NRAS: variants seen among roughly 807,000 people sequenced by gnomAD.
NRAS encodes GTPase NRas.
A neutral mutation model predicts 21.3 loss-of-function variants in NRAS; 6 were observed. The ratio of observed to expected loss-of-function variants is 0.28; its 90% CI spans 0.15 to 0.56. The LOEUF (loss-of-function observed/expected upper bound fraction) is 0.56. Ranked by LOEUF, NRAS falls within the 20% of genes least tolerant of loss-of-function variation. The pLI, the probability that NRAS is intolerant of heterozygous loss-of-function variation, is 0.93. For synonymous variants in NRAS, 84 were observed against 82.0 expected, an observed-to-expected ratio of 1.02 and a Z score of -0.13; for missense variants, 143 against 231.3, an observed-to-expected ratio of 0.62 and a Z score of 2.48.
At chr1:114,709,122 G>C (rs1363474296) in intron 4 of NRAS, among the ~76,000 whole-genome samples, 1 of 152,172 alleles carries the variant, frequency 6.6e-6, no homozygotes, top group African/African-American at 2.4e-5. Flanking sequence ...CAAGCGTTAA[G>C]AAAAAGAACA....
intron 2 of NRAS, among the ~76,000 whole-genome samples, chr1:114,715,589 A>G (rs1159755861): frequency 6.6e-6 from 1 of 152,196 alleles, no homozygotes; most frequent in Non-Finnish European, 1.5e-5. Flanking sequence ...AACAGGGACC[A>G]AAATCCTAGG....
intron 3 of NRAS, among the ~76,000 whole-genome samples, chr1:114,712,809 C>G (rs1659075359): frequency 6.6e-6 from 1 of 152,146 alleles, no homozygotes; most frequent in Non-Finnish European, 1.5e-5. Flanking sequence ...TTATTATTTC[C>G]ATATTATAGG....
chr1:114,714,718 C>T (rs997897953), intron 2 of NRAS, among the ~76,000 whole-genome samples: 24 of 151,786 alleles, frequency 1.6e-4, no homozygotes, highest in African/African-American at 2.4e-4. Context: ...TATATAGAAA[C>T]GCAAAAAGCA....
At chr1:114,710,944 C>CAGTATTTAATGGA (rs896529492) in intron 3 of NRAS, among the ~76,000 whole-genome samples, 4 of 152,162 alleles carry the variant, frequency 2.6e-5, no homozygotes, top group African/African-American at 9.7e-5. Flanking sequence ...CTAGGTGTGA[C>CAGTATTTAATGGA]AGTATTTAAT....
Position 114,707,320 on chromosome 1 carries a change from T to C in NRAS, c.*774A>G, listed in dbSNP as rs886045107. 2 of 152,600 alleles carry C rather than the reference T, an allele frequency of 1.3e-5. No individual in the cohort carries two copies. The highest frequency in any genetic ancestry group is 2.4e-5 in the African/African-American group (1 of 41,450). 9.5% of individuals were successfully genotyped at this position (152,600 alleles called of 1,614,324 possible). A position where few individuals can be genotyped will look rare whatever the true frequency, so the allele number is the denominator to read the frequency against. On this transcript the variant is annotated 3_prime_UTR_variant, in exon 7 of 7. Transcript: ENST00000369535. Reference sequence around the variant, plus strand: ...AAAATGGCATCTGCTCTCAAATAGATATAGCTTTCCTTCAATGGTAGATAA... The same window carrying C: ...AAAATGGCATCTGCTCTCAAATAGACATAGCTTTCCTTCAATGGTAGATAA...
chr1:114,709,460 A>G, intron 4 of NRAS, 109 bp downstream of exon 4: 1 of 953,794 alleles, frequency 1.0e-6, no homozygotes, highest in Non-Finnish European at 1.6e-6. Flanking sequence ...TAAAAAAATA[A>G]AAATGAAAAA....
chr1:114,714,871 G>A (rs981008456), intron 2 of NRAS, among the ~76,000 whole-genome samples: 2 of 151,970 alleles, frequency 1.3e-5, no homozygotes, highest in African/African-American at 2.4e-5. Context: ...TTTTGCCAAG[G>A]GTTAGCAACC....
chr1:114,709,982 G>C (rs1659003790), intron 3 of NRAS, among the ~76,000 whole-genome samples: 1 of 151,724 alleles, frequency 6.6e-6, no homozygotes, highest in South Asian at 2.1e-4. Flanking sequence ...CACAAGGTCA[G>C]GAGTTGAAGA....
In NRAS at chr1:114,706,282, T is replaced by C. The variant is rs1254385012; in HGVS notation, c.*1812A>G. 3 of 152,214 alleles carry C rather than the reference T, an allele frequency of 2.0e-5. No homozygotes were observed. Among genetic ancestry groups the C allele is most frequent in the Non-Finnish European group, 4.4e-5 (3 of 68,040 alleles). The allele number at this position is 152,214 out of a possible 1,614,324, so 9.4% of individuals were successfully genotyped here. On this transcript the variant is annotated 3_prime_UTR_variant, in exon 7 of 7. Coordinates refer to ENST00000369535, the MANE Select transcript of NRAS (RefSeq NM_002524.5). ...GAGGACCTCAGTAAGTATTTAGATA[T>C]TAAAGACAGGAACAAAGTGGCCATT...
At position 114,707,376 on chromosome 1, in the gene NRAS, T is replaced by C. The variant is rs1187920740; in HGVS notation, c.*718A>G. The C allele has an allele frequency of 6.6e-6, 1 of 152,630 alleles. No homozygotes were observed. The highest frequency in any genetic ancestry group is 1.5e-5 in the Non-Finnish European group (1 of 68,026). 9.5% of individuals were successfully genotyped at this position (152,630 alleles called of 1,614,324 possible). A position where few individuals can be genotyped will look rare whatever the true frequency, so the allele number is the denominator to read the frequency against. On this transcript the variant is annotated 3_prime_UTR_variant, in exon 7 of 7. Transcript: ENST00000369535. Reference sequence around the variant, plus strand: ...AGACGTATCTCAGACATTCATTTCATGCATAAGGATTTTTGAGACATCTAT... The same window carrying C: ...AGACGTATCTCAGACATTCATTTCACGCATAAGGATTTTTGAGACATCTAT...
intron 1 of NRAS, 149 bp downstream of exon 1, chr1:114,716,509 A>G (rs1032620150): frequency 1.9e-4 from 73 of 375,260 alleles, no homozygotes; most frequent in African/African-American, 1.5e-3. Flanking sequence ...TTCTGTCTCC[A>G]AAGATCTCCC....
At position 114,707,558 on chromosome 1, in the gene NRAS, G is replaced by A. The variant is rs886045108; in HGVS notation, c.*536C>T. On this transcript the variant is annotated 3_prime_UTR_variant, in exon 7 of 7. Transcript: ENST00000369535. ...ATTTATGAATCTAGAGCAGATGCCA[G>A]TTTAGAGAATAGAGCCGATAACATT... The A allele has an allele frequency of 2.6e-5, 4 of 152,602 alleles. No individual in the cohort carries two copies. The highest frequency in any genetic ancestry group is 4.1e-4 in the South Asian group (2 of 4,830). The allele number at this position is 152,602 out of a possible 1,614,324, so 9.5% of individuals were successfully genotyped here. A position where few individuals can be genotyped will look rare whatever the true frequency, so the allele number is the denominator to read the frequency against.
chr1:114,707,418 A>T lies in NRAS; in HGVS notation c.*676T>A, dbSNP rs1658942554. 6.6e-6 allele frequency: 1 copy of T among 152,640 alleles called. No homozygotes were observed. Among genetic ancestry groups the T allele is most frequent in the Admixed American group, 6.5e-5 (1 of 15,288 alleles). The allele number at this position is 152,640 out of a possible 1,614,324, so 9.5% of individuals were successfully genotyped here. A position where few individuals can be genotyped will look rare whatever the true frequency, so the allele number is the denominator to read the frequency against. On this transcript the variant is annotated 3_prime_UTR_variant, in exon 7 of 7. Transcript: ENST00000369535. ...GACATCTATTCCACTGAAATATTATAAAGGAAGTCTACAAACCACTTCTAG... is the reference window on the plus strand; with the variant it reads ...GACATCTATTCCACTGAAATATTATTAAGGAAGTCTACAAACCACTTCTAG...
chr1:114,709,615 T>C lies in NRAS; in HGVS notation c.404A>G (p.Lys135Arg), dbSNP rs781289233. 1.9e-6 allele frequency: 3 copies of C among 1,614,072 alleles called. No individual in the cohort carries two copies. Among genetic ancestry groups the C allele is most frequent in the Admixed American group, 1.7e-5 (1 of 60,010 alleles). Residue 135 changes from lysine to arginine, a missense_variant, in exon 4 of 7, where the codon AAG becomes AGG. By Grantham distance (26) the Lys-to-Arg change is conservative. Coordinates refer to ENST00000369535, the MANE Select transcript of NRAS (RefSeq NM_002524.5). ...TTCAATGAATGGAATCCCGTAACTC[T>C]TGGCCAGTTCGTGGGCTTGTTTTGT... ...VDTKQAHELA[K>R]SYGIPFIETS...
At chr1:114,708,768 A>G (rs1380805896) in intron 4 of NRAS, 114 bp from the exon 5 acceptor site, 1 of 898,238 alleles carries the variant, frequency 1.1e-6, no homozygotes, top group African/African-American at 1.7e-5. Flanking sequence ...TCCAATTACT[A>G]AACGAATAGC....
chr1:114,710,217 T>A (rs1488290773), intron 3 of NRAS, among the ~76,000 whole-genome samples: 3 of 55,366 alleles, frequency 5.4e-5, no homozygotes, highest in Admixed American at 3.3e-4. Context: ...AAAATATATA[T>A]AAAATATATA....
chr1:114,710,174 G>A (rs1355701794), intron 3 of NRAS, among the ~76,000 whole-genome samples: 1 of 148,292 alleles, frequency 6.7e-6, no homozygotes, highest in African/African-American at 2.5e-5. Flanking sequence ...CTGGGCGACA[G>A]AGTGAGACTC....
chr1:114,710,459 G>A (rs1053612126), intron 3 of NRAS, among the ~76,000 whole-genome samples: 7 of 150,276 alleles, frequency 4.7e-5, no homozygotes, highest in African/African-American at 1.7e-4. Flanking sequence ...CAAGGCTGCA[G>A]TGAGCCATAA....
intron 2 of NRAS, among the ~76,000 whole-genome samples, chr1:114,714,895 G>A (rs1363856127): frequency 6.6e-6 from 1 of 152,134 alleles, no homozygotes; most frequent in African/African-American, 2.4e-5. Context: ...TTTTTATAGT[G>A]GCTACATTAG....
Sources: allele counts gnomAD v4.1 joint callset (sites outside exome capture counted in the v4.1 genomes callset), GRCh38; gene constraint gnomAD v4.1.1; transcripts MANE v1.5; gene names NCBI Gene and HGNC (gene_info 2026-07-23, HGNC 2026-07-21).